ABLIM2: variants seen among roughly 807,000 people sequenced by gnomAD.
The protein encoded by ABLIM2 is actin-binding LIM protein 2.
A neutral mutation model predicts 97.7 loss-of-function variants in ABLIM2; 53 were observed. The observed-to-expected ratio is 0.54, with a 90% CI of 0.44 to 0.68. The LOEUF is 0.68. ABLIM2 is among the 30% of genes least tolerant of loss of function. ABLIM2 has a pLI of 0.00. For missense variants in ABLIM2, 835 were observed against 867.2 expected, an observed-to-expected ratio of 0.96 and a Z score of 0.47; for synonymous variants, 361 against 345.8, an observed-to-expected ratio of 1.04 and a Z score of -0.49.
intron 1 of ABLIM2, among the ~76,000 whole-genome samples, chr4:8,114,388 C>G (rs909897695): frequency 6.6e-6 from 1 of 152,204 alleles, no homozygotes; most frequent in African/African-American, 2.4e-5. Context: ...CCTCATGGAT[C>G]CTGCCACACT....
At chr4:8,017,481 T>A (rs1770276056) in intron 14 of ABLIM2, among the ~76,000 whole-genome samples, 1 of 150,996 alleles carries the variant, frequency 6.6e-6, no homozygotes, top group Non-Finnish European at 1.5e-5. Flanking sequence ...AGAGATGGGG[T>A]TTCACTGTGT....
At chr4:8,131,348 A>G (rs1266081687) in intron 1 of ABLIM2, among the ~76,000 whole-genome samples, 1 of 152,204 alleles carries the variant, frequency 6.6e-6, no homozygotes, top group Non-Finnish European at 1.5e-5. Context: ...ACCTTCTTAT[A>G]TAACGCACAC....
chr4:8,055,426 G>A (rs538109004), intron 7 of ABLIM2, among the ~76,000 whole-genome samples: 49 of 150,652 alleles, frequency 3.3e-4, no homozygotes, highest in Non-Finnish European at 6.4e-4. Context: ...CACTCCCTGC[G>A]AGGGGCTGGC....
Position 8,125,944 on chromosome 4 carries a change from T to C in ABLIM2, c.11-19307A>G, listed in dbSNP as rs778640374. Among the ~76,000 whole-genome samples, 9 of 152,310 alleles carry C rather than the reference T, an allele frequency of 5.9e-5. No homozygotes were observed. The South Asian group carries it at 1.2e-3, about 21-fold the overall frequency. On this transcript the variant is annotated intron_variant, in intron 1 of 20. Transcript: ENST00000447017. This position sits in a 1 kb window ranked among gnomAD's most constrained non-coding sequence, Gnocchi z 6.2. ...GAACACACCTGCATGTCTCCTTTTTTGGTTCACAACACCCTGGGAGGGGGA... is the reference window on the plus strand; with the variant it reads ...GAACACACCTGCATGTCTCCTTTTTCGGTTCACAACACCCTGGGAGGGGGA...
At chr4:8,036,099 G>T (rs779264252) in intron 10 of ABLIM2, 50 bp downstream of exon 10, 1 of 1,601,248 alleles carries the variant, frequency 6.2e-7, no homozygotes, top group African/African-American at 1.3e-5. Context: ...GTCCTGCAGG[G>T]CAGCACTTGG....
chr4:8,051,461 G>A (rs560129836), intron 8 of ABLIM2, among the ~76,000 whole-genome samples: 2 of 151,378 alleles, frequency 1.3e-5, no homozygotes, highest in East Asian at 3.9e-4. Flanking sequence ...GGAGGCTGCG[G>A]CTGAAGAATA....
rs73799603 is a variant in ABLIM2, at chr4:8,137,076, G to T, written c.10+21604C>A. On this transcript the variant is annotated intron_variant, in intron 1 of 20. Transcript: ENST00000447017. ...CGGCCCCCAACAGAGCCCACTCTCC[G>T]TGCCTCCCTCTGGGACTTCCAGCCT... Among the ~76,000 whole-genome samples the T allele has an allele frequency of 1.6e-3, 245 of 152,242 alleles. 1 individual carries two copies. The highest frequency in any genetic ancestry group is 5.1e-3 in the African/African-American group (211 of 41,544).
At chr4:8,109,261 G>A (rs1839125157) in intron 1 of ABLIM2, among the ~76,000 whole-genome samples, 1 of 152,246 alleles carries the variant, frequency 6.6e-6, no homozygotes, top group Admixed American at 6.5e-5. Context: ...TGCAGGTGAT[G>A]GGGCATGGCC....
At position 8,004,592 on chromosome 4, in the gene ABLIM2, A is replaced by C. The variant is rs1054311371; in HGVS notation, c.1618+3467T>G. Among the ~76,000 whole-genome samples, 3 of 152,094 alleles carry C rather than the reference A, an allele frequency of 2.0e-5. No individual in the cohort carries two copies. The highest frequency in any genetic ancestry group is 2.9e-5 in the Non-Finnish European group (2 of 68,014). On this transcript the variant is annotated intron_variant, in intron 16 of 20. Transcript: ENST00000447017. The surrounding 1 kb of genome is among the most constrained non-coding windows in gnomAD (Gnocchi z 5.9). ...GGTGGGACGTGAGAGACCTCAAAAG[A>C]GAGGATGGGGCCTCAAGGGGCTAGG...
Position 8,029,761 on chromosome 4 carries a change from G to T in ABLIM2, c.1063C>A (p.Arg355=). Residue 355 remains arginine, a synonymous_variant, in exon 11 of 21, where the codon CGG becomes AGG. Transcript: ENST00000447017. ...QSYGEGDQDD[R]SYKQCRTSSP... The stretch of plus-strand genomic sequence containing the variant: ...GAGGTCCGACACTGCTTGTAGGACC[G>T]GTCATCCTGATCCCCCTGGGAGGGA... The T allele has an allele frequency of 5.1e-6, 8 of 1,569,076 alleles. No individual in the cohort carries two copies. Among genetic ancestry groups the T allele is most frequent in the Non-Finnish European group, 6.9e-6 (8 of 1,157,364 alleles).
intron 10 of ABLIM2, 65 bp from the exon 11 acceptor site, chr4:8,029,841 A>G (rs774537051): frequency 5.1e-5 from 78 of 1,523,460 alleles, no homozygotes; most frequent in Non-Finnish European, 6.6e-5. Flanking sequence ...TTGTCCACCC[A>G]TCCCCCGACA....
chr4:8,011,242 C>T (rs1030032268), intron 14 of ABLIM2, among the ~76,000 whole-genome samples: 9 of 152,220 alleles, frequency 5.9e-5, no homozygotes, highest in Non-Finnish European at 1.0e-4. Flanking sequence ...AAACAGCCTC[C>T]GCCATCTGAG....
chr4:7,989,361 G>A lies in ABLIM2; in HGVS notation c.1680+3505C>T, dbSNP rs557277260. 1.4e-5 allele frequency: 14 copies of A among 976,274 alleles called. No individual in the cohort carries two copies. In the African/African-American group the frequency reaches 2.1e-4, roughly 15 times the overall value. 60.5% of individuals were successfully genotyped at this position (976,274 alleles called of 1,614,324 possible). A position where few individuals can be genotyped will look rare whatever the true frequency, so the allele number is the denominator to read the frequency against. ...CGCAGAGTGCTGGGATTATAGGCCT[G>A]AACCACTTTGCCTGGCCCCATTTGT... On this transcript the variant is annotated intron_variant, in intron 17 of 20. Transcript: ENST00000447017.
At chr4:8,074,089 CAAAAAAAAAAAAAAAAA>C (rs869080154) in intron 6 of ABLIM2, among the ~76,000 whole-genome samples, 1 of 45,694 alleles carries the variant, frequency 2.2e-5, no homozygotes, top group Non-Finnish European at 3.9e-5. Flanking sequence ...CTCTGTCTCA[CAAAAAAAAAAAAAAAAA>C]AAAAAAAAAA....
intron 3 of ABLIM2, among the ~76,000 whole-genome samples, chr4:8,088,608 C>T (rs1316789827): frequency 2.0e-5 from 3 of 152,234 alleles, no homozygotes; most frequent in South Asian, 4.1e-4. Context: ...CCTGGGCCAC[C>T]GGCCCCTCCA....
At chr4:8,073,583 G>T (rs538996652) in intron 6 of ABLIM2, among the ~76,000 whole-genome samples, 2 of 152,166 alleles carry the variant, frequency 1.3e-5, no homozygotes, top group Admixed American at 1.3e-4. Flanking sequence ...GAGAAGGGGA[G>T]AGAGGAGAGG....
intron 2 of ABLIM2, among the ~76,000 whole-genome samples, chr4:8,105,116 T>C (rs991300048): frequency 6.6e-6 from 1 of 152,162 alleles, no homozygotes; most frequent in Non-Finnish European, 1.5e-5. Flanking sequence ...CACAGTCACA[T>C]GTCTCCCTGG....
chr4:8,045,312 AG>A, intron 8 of ABLIM2, 71 bp from the exon 9 acceptor site: 1 of 1,371,868 alleles, frequency 7.3e-7, no homozygotes, highest in Non-Finnish European at 1.0e-6. Context: ...GACTGTCAGG[AG>A]TTCCACTCCA....
chr4:7,997,400 C>T (rs1185153215), intron 16 of ABLIM2, among the ~76,000 whole-genome samples: 2 of 152,104 alleles, frequency 1.3e-5, no homozygotes, highest in Non-Finnish European at 2.9e-5. Flanking sequence ...TTTTTCAAAC[C>T]CATTTTCTTC....
Sources: gnomAD v4.1 joint callset for allele counts (sites outside exome capture counted in the v4.1 genomes callset) on GRCh38, gnomAD v4.1.1 for gene constraint, Gnocchi (gnomAD v3.1) non-coding constraint, MANE v1.5 for transcripts, NCBI Gene and HGNC (gene_info 2026-07-23, HGNC 2026-07-21) for gene names.